The following CFAP20DC variants were observed in gnomAD, a reference collection of about 807,000 sequenced individuals.
The protein encoded by CFAP20DC is protein CFAP20DC.
A neutral mutation model predicts 101.7 loss-of-function variants in CFAP20DC; 84 were observed. That is an observed-to-expected ratio of 0.83 (90% CI 0.69 to 0.99). The LOEUF is 0.99. Among genes scored for constraint, CFAP20DC ranks in the 50% least tolerant of loss-of-function variants. The pLI, the probability that CFAP20DC is intolerant of heterozygous loss-of-function variation, is 0.00. For synonymous variants in CFAP20DC, 359 were observed against 351.2 expected (o/e 1.02, Z -0.25); for missense variants, 1,007 against 970.3 (o/e 1.04, Z -0.50).
intron 4 of CFAP20DC, among the ~76,000 whole-genome samples, chr3:58,972,180 C>G (rs1039098460): frequency 6.6e-6 from 1 of 152,088 alleles, no homozygotes; most frequent in African/African-American, 2.4e-5. Context: ...ATAGGTAGCA[C>G]AAAGGAACTG....
chr3:58,948,292 C>A (rs2089626720), intron 4 of CFAP20DC, among the ~76,000 whole-genome samples: 2 of 152,242 alleles, frequency 1.3e-5, no homozygotes, highest in Non-Finnish European at 2.9e-5. Flanking sequence ...ATTATGCCAA[C>A]TGAAATTATA....
intron 4 of CFAP20DC, among the ~76,000 whole-genome samples, chr3:58,984,983 C>T (rs2092704464): frequency 6.6e-6 from 1 of 152,172 alleles, no homozygotes; most frequent in Admixed American, 6.5e-5. Context: ...CCACTGCAGC[C>T]TTGACGTCCT....
chr3:58,936,192 A>G (rs1229487394), intron 5 of CFAP20DC, among the ~76,000 whole-genome samples: 1 of 152,158 alleles, frequency 6.6e-6, no homozygotes, highest in African/African-American at 2.4e-5. Context: ...ATCACTGGCC[A>G]TCAGAGAAAT....
intron 4 of CFAP20DC, among the ~76,000 whole-genome samples, chr3:58,976,673 C>T (rs890293443): frequency 1.3e-5 from 2 of 152,158 alleles, no homozygotes; most frequent in African/African-American, 4.8e-5. Context: ...AAACAGATTC[C>T]CAGCTGGGGC....
intron 4 of CFAP20DC, among the ~76,000 whole-genome samples, chr3:59,010,376 T>A (rs572123978): frequency 6.6e-6 from 1 of 151,998 alleles, no homozygotes; most frequent in Non-Finnish European, 1.5e-5. Context: ...ATATTCCATG[T>A]AAATGGAAAC....
intron 4 of CFAP20DC, among the ~76,000 whole-genome samples, chr3:59,026,867 T>C (rs1293662258): frequency 6.6e-6 from 1 of 152,210 alleles, no homozygotes. Context: ...TTAAATTGGC[T>C]TGAGGCTAAA....
intron 7 of CFAP20DC, among the ~76,000 whole-genome samples, chr3:58,877,112 T>C (rs890410624): frequency 1.3e-5 from 2 of 152,154 alleles, no homozygotes; most frequent in Non-Finnish European, 2.9e-5. Context: ...CTAGTAAATA[T>C]GCTATTAACA....
At position 58,811,962 on chromosome 3, in the gene CFAP20DC, C is replaced by T. The variant is rs536276039; in HGVS notation, c.2176-5506G>A. Among the ~76,000 whole-genome samples the T allele has an allele frequency of 3.9e-5, 6 of 152,188 alleles. No individual in the cohort carries two copies. The South Asian group carries it at 1.2e-3, about 32-fold the overall frequency. ...AAAAAACACATGAAAAAATGCTTAC[C>T]ATCACTGGCCATCAGAGAAATGCAA... On this transcript the variant is annotated intron_variant, in intron 14 of 16. Coordinates refer to ENST00000482387, the MANE Select transcript of CFAP20DC (RefSeq NM_001394063.1).
At chr3:58,842,795 C>A (rs1190563387) in intron 13 of CFAP20DC, among the ~76,000 whole-genome samples, 1 of 152,186 alleles carries the variant, frequency 6.6e-6, no homozygotes, top group African/African-American at 2.4e-5. Context: ...AGTGGTTCTC[C>A]CAGCACGCAG....
intron 7 of CFAP20DC, among the ~76,000 whole-genome samples, chr3:58,876,320 A>G (rs1259627189): frequency 2.6e-5 from 4 of 152,132 alleles, no homozygotes; most frequent in Non-Finnish European, 5.9e-5. Flanking sequence ...ACCTACTAAG[A>G]AAAGTAATTT....
intron 12 of CFAP20DC, among the ~76,000 whole-genome samples, chr3:58,857,816 T>G (rs1240642237): frequency 6.6e-6 from 1 of 152,176 alleles, no homozygotes; most frequent in Non-Finnish European, 1.5e-5. Flanking sequence ...TAGGAGTGGG[T>G]GCACTGGCAT....
Position 59,006,933 on chromosome 3 carries a change from G to A in CFAP20DC, c.278+32624C>T, listed in dbSNP as rs1476672406. 6.6e-6 allele frequency among the ~76,000 whole-genome samples: 1 copy of A among 152,192 alleles called. No individual in the cohort carries two copies. The highest frequency in any genetic ancestry group is 1.5e-5 in the Non-Finnish European group (1 of 68,026). Reference sequence around the variant, plus strand: ...CCTTGCTTGCTTTCTCAGCGTGGAAGCTTATGGCCTGGGGCAGGTCTGAGT... The same window carrying A: ...CCTTGCTTGCTTTCTCAGCGTGGAAACTTATGGCCTGGGGCAGGTCTGAGT... On this transcript the variant is annotated intron_variant, in intron 4 of 16. Coordinates refer to ENST00000482387, the MANE Select transcript of CFAP20DC (RefSeq NM_001394063.1). The surrounding 1 kb of genome is among the most constrained non-coding windows in gnomAD (Gnocchi z 4.3).
At chr3:58,847,125 A>T (rs1363786769) in intron 13 of CFAP20DC, among the ~76,000 whole-genome samples, 8 of 124,912 alleles carry the variant, frequency 6.4e-5, no homozygotes, top group Middle Eastern at 3.6e-3. Flanking sequence ...CATGTCTAAA[A>T]CACCAAAAGC....
intron 12 of CFAP20DC, among the ~76,000 whole-genome samples, chr3:58,854,664 C>G (rs1044321422): frequency 5.9e-5 from 9 of 151,722 alleles, no homozygotes; most frequent in African/African-American, 1.7e-4. Flanking sequence ...CAGAATAGAG[C>G]CCTCAGAAAT....
chr3:58,718,170 G>A (rs1034894889), intron 3 of CFAP20DC, among the ~76,000 whole-genome samples: 6 of 152,230 alleles, frequency 3.9e-5, no homozygotes, highest in African/African-American at 1.4e-4. Context: ...GGATAAAAAT[G>A]TGGTAGGATT....
chr3:58,818,937 C>T (rs531882795), intron 14 of CFAP20DC, among the ~76,000 whole-genome samples: 5 of 148,214 alleles, frequency 3.4e-5, no homozygotes, highest in East Asian at 4.0e-4. Context: ...TTATAACAAA[C>T]TATCTCTCAG....
At chr3:58,816,041 C>T (rs545132750) in intron 14 of CFAP20DC, among the ~76,000 whole-genome samples, 11 of 151,892 alleles carry the variant, frequency 7.2e-5, no homozygotes, top group African/African-American at 2.7e-4. Flanking sequence ...AATCATGCTG[C>T]TATAAAGACA....
intron 5 of CFAP20DC, among the ~76,000 whole-genome samples, chr3:58,930,756 T>C (rs1019223911): frequency 6.6e-6 from 1 of 152,124 alleles, no homozygotes; most frequent in African/African-American, 2.4e-5. Context: ...GGTATAAAGT[T>C]TTCTTTTAAA....
intron 7 of CFAP20DC, among the ~76,000 whole-genome samples, chr3:58,881,921 T>A (rs2081258083): frequency 6.6e-6 from 1 of 152,162 alleles, no homozygotes; most frequent in African/African-American, 2.4e-5. Context: ...AGAACAATAA[T>A]TATTACAATA....
Sources: allele counts gnomAD v4.1 joint callset (sites outside exome capture counted in the v4.1 genomes callset), GRCh38; gene constraint gnomAD v4.1.1; non-coding constraint Gnocchi (gnomAD v3.1); transcripts MANE v1.5; gene names NCBI Gene and HGNC (gene_info 2026-07-23, HGNC 2026-07-21).